Variants in TTC39B observed in about 807,000 individuals in gnomAD.
The protein encoded by TTC39B is tetratricopeptide repeat domain 39B.
A neutral mutation model predicts 96.6 loss-of-function variants in TTC39B; 92 were observed. The observed-to-expected ratio is 0.95, with a 90% CI of 0.80 to 1.13. TTC39B has a LOEUF of 1.13. Ranked by LOEUF, TTC39B falls within the 50% of genes most tolerant of loss-of-function variation. The probability of loss-of-function intolerance (pLI) is 0.00; values close to 1 mark genes in which losing one functional copy is unlikely to be tolerated. For missense variants in TTC39B, 955 were observed against 809.3 expected, an observed-to-expected ratio of 1.18 and a Z score of -2.18; for synonymous variants, 367 against 299.4, an observed-to-expected ratio of 1.23 and a Z score of -2.33.
intron 13 of TTC39B, 57 bp from the exon 14 acceptor site, chr9:15,188,189 C>G (rs1347015588): frequency 1.3e-6 from 2 of 1,497,630 alleles, no homozygotes; most frequent in South Asian, 1.4e-5. Context: ...AGATAATAAC[C>G]TAATGGAAAA....
chr9:15,278,111 T>C lies in TTC39B; in HGVS notation c.241-10163A>G, dbSNP rs1046448941. Among the ~76,000 whole-genome samples, 31 of 152,228 alleles carry C rather than the reference T, an allele frequency of 2.0e-4. 1 individual carries two copies. The highest frequency in any genetic ancestry group is 1.1e-3 in the Admixed American group (17 of 15,280). ...AATTAATTATCGGTTATTTAATTTA[T>C]GGAGGTGGGAAAAATGTTCCTTTTC... On this transcript the variant is annotated intron_variant, in intron 1 of 19. Transcript: ENST00000512701.
chr9:15,283,531 A>T (rs1823845379), intron 1 of TTC39B, among the ~76,000 whole-genome samples: 1 of 143,730 alleles, frequency 7.0e-6, no homozygotes, highest in Non-Finnish European at 1.5e-5. Flanking sequence ...TGCCAGGAGA[A>T]CTTTTTACAT....
At chr9:15,198,266 G>C (rs967195244) in intron 8 of TTC39B, among the ~76,000 whole-genome samples, 3 of 150,850 alleles carry the variant, frequency 2.0e-5, no homozygotes, top group Admixed American at 2.0e-4. Flanking sequence ...AGACCAGCCC[G>C]GTCAATATGG....
chr9:15,172,458 A>C (rs2118410690), intron 19 of TTC39B, among the ~76,000 whole-genome samples: 2 of 152,222 alleles, frequency 1.3e-5, no homozygotes, highest in African/African-American at 2.4e-5. Context: ...TAAATTGGAA[A>C]ATTTTAAGGT....
At chr9:15,185,985 C>T (rs1818504074) in intron 15 of TTC39B, among the ~76,000 whole-genome samples, 1 of 152,154 alleles carries the variant, frequency 6.6e-6, no homozygotes, top group Non-Finnish European at 1.5e-5. Context: ...TGTTTAGAAA[C>T]TTCCTTTTAA....
intron 6 of TTC39B, among the ~76,000 whole-genome samples, chr9:15,206,241 C>T (rs10156529): frequency 0.011 from 1,661 of 152,140 alleles, 43 homozygotes; most frequent in African/African-American, 0.037. Context: ...TGGGGCAATC[C>T]GCCAGCCACA....
chr9:15,276,571 T>C (rs1453844533), intron 1 of TTC39B, among the ~76,000 whole-genome samples: 1 of 152,216 alleles, frequency 6.6e-6, no homozygotes, highest in Admixed American at 6.5e-5. Context: ...GTCCATGTCA[T>C]GTGCTCAAGT....
At chr9:15,210,011 T>A in intron 6 of TTC39B, 77 bp downstream of exon 6, 1 of 1,046,800 alleles carries the variant, frequency 9.6e-7, no homozygotes, top group South Asian at 1.4e-5. Flanking sequence ...CTTTATATAC[T>A]TCAGGATGGA....
At chr9:15,296,366 G>A (rs1824375268) in intron 1 of TTC39B, among the ~76,000 whole-genome samples, 1 of 152,314 alleles carries the variant, frequency 6.6e-6, no homozygotes, top group Non-Finnish European at 1.5e-5. Flanking sequence ...TAGAAATGGG[G>A]TTGGGAAAGG....
chr9:15,182,500 T>C, intron 16 of TTC39B, 85 bp from the exon 17 acceptor site: 1 of 944,388 alleles, frequency 1.1e-6, no homozygotes, highest in Non-Finnish European at 1.6e-6. Flanking sequence ...TCATGTGTTT[T>C]GCTTCGGTTT....
At chr9:15,294,391 AG>A (rs1190388822) in intron 1 of TTC39B, among the ~76,000 whole-genome samples, 1 of 152,178 alleles carries the variant, frequency 6.6e-6, no homozygotes, top group Non-Finnish European at 1.5e-5. Context: ...ACCAACATCT[AG>A]GTGCTACCTG....
chr9:15,270,727 C>G (rs1316580132), intron 1 of TTC39B, among the ~76,000 whole-genome samples: 3 of 147,682 alleles, frequency 2.0e-5, no homozygotes, highest in African/African-American at 7.6e-5. Context: ...ATAGTAAGAC[C>G]CTGTATCTAA....
At chr9:15,281,642 AAAAAAAAAT>A (rs1008503661) in intron 1 of TTC39B, among the ~76,000 whole-genome samples, 11 of 148,184 alleles carry the variant, frequency 7.4e-5, no homozygotes, top group African/African-American at 2.6e-4. Flanking sequence ...AAAAAAAAAA[AAAAAAAAAT>A]GGCAAAAAGC....
intron 2 of TTC39B, among the ~76,000 whole-genome samples, chr9:15,247,602 G>T (rs893821754): frequency 6.6e-6 from 1 of 152,142 alleles, no homozygotes; most frequent in African/African-American, 2.4e-5. Context: ...CTTCTAGGGT[G>T]CATGTTTTCC....
chr9:15,244,601 T>C (rs1227274400), intron 2 of TTC39B, among the ~76,000 whole-genome samples: 1 of 152,116 alleles, frequency 6.6e-6, no homozygotes, highest in African/African-American at 2.4e-5. Flanking sequence ...TAGAGGAGTA[T>C]AGTGGTGCTG....
rs1211895593 is a variant in TTC39B at position 15,214,049 on chromosome 9, G to A, written c.482+90C>T. ...AATTAGCTTATCAATATTCAGATGGGAACAGCTAAATTAATTTACAAGCAT... is the reference window on the plus strand; with the variant it reads ...AATTAGCTTATCAATATTCAGATGGAAACAGCTAAATTAATTTACAAGCAT... On this transcript the variant is annotated intron_variant, in intron 4 of 19. Transcript: ENST00000512701. The A allele has an allele frequency of 1.8e-5, 18 of 974,736 alleles. No individual in the cohort carries two copies. In the South Asian group the frequency reaches 2.2e-4, roughly 12 times the overall value. The allele number at this position is 974,736 out of a possible 1,614,324, so 60.4% of individuals were successfully genotyped here. A position where few individuals can be genotyped will look rare whatever the true frequency, so the allele number is the denominator to read the frequency against.
At position 15,215,869 on chromosome 9, in the gene TTC39B, CTAAATAAA is replaced by C. The variant is rs569005283; in HGVS notation, c.372-1628_372-1621del. Among the ~76,000 whole-genome samples, 63 of 152,164 alleles carry C rather than the reference CTAAATAAA, an allele frequency of 4.1e-4. 1 individual carries two copies. In the South Asian group the frequency reaches 0.013, roughly 31 times the overall value. ...ACAGAACGAGACGCTATCTCAAAAA[CTAAATAAA>C]TAAATAAATAAAATGAAATAAAAAT... is the stretch of plus-strand genomic sequence containing the variant. On this transcript the variant is annotated intron_variant, in intron 3 of 19. Transcript: ENST00000512701.
chr9:15,304,065 T>A (rs139891616), intron 1 of TTC39B, among the ~76,000 whole-genome samples: 1 of 152,196 alleles, frequency 6.6e-6, no homozygotes, highest in South Asian at 2.1e-4. Context: ...TAATAAAATA[T>A]AAATGATTTT....
chr9:15,234,303 G>A (rs980580036), intron 2 of TTC39B, among the ~76,000 whole-genome samples: 2 of 142,504 alleles, frequency 1.4e-5, no homozygotes, highest in South Asian at 2.2e-4. Context: ...ATCCGGGAGG[G>A]AAGTCGGGGG....
Sources: gnomAD v4.1 joint callset for allele counts (sites outside exome capture counted in the v4.1 genomes callset) on GRCh38, gnomAD v4.1.1 for gene constraint, MANE v1.5 for transcripts, NCBI Gene and HGNC (gene_info 2026-07-23, HGNC 2026-07-21) for gene names.